CNTNAP2: variants seen among roughly 807,000 people sequenced by gnomAD.
The protein encoded by CNTNAP2 is contactin-associated protein-like 2.
Under a neutral mutation model 155.2 loss-of-function variants are expected in CNTNAP2, and 98 were observed. The ratio of observed to expected loss-of-function variants is 0.63; its 90% confidence interval spans 0.54 to 0.75. The LOEUF (loss-of-function observed/expected upper bound fraction) is 0.75, where lower values mean the gene tolerates loss of function less well. Ranked by LOEUF, CNTNAP2 falls within the 30% of genes least tolerant of loss-of-function variation. CNTNAP2 has a pLI of 0.00. For missense variants in CNTNAP2, 1,727 were observed against 1,688.1 expected, an observed-to-expected ratio of 1.02 and a Z score of -0.40; for synonymous variants, 651 against 631.2, an observed-to-expected ratio of 1.03 and a Z score of -0.47.
intron 3 of CNTNAP2, among the ~76,000 whole-genome samples, chr7:147,029,872 A>G (rs1798996252): frequency 6.6e-6 from 1 of 152,246 alleles, no homozygotes; most frequent in African/African-American, 2.4e-5. Context: ...AATAATTCTC[A>G]CATTAACTAA....
chr7:147,180,951 T>C (rs115543987), intron 8 of CNTNAP2, among the ~76,000 whole-genome samples: 2,653 of 152,290 alleles, frequency 0.017, 62 homozygotes, highest in African/African-American at 0.06. Context: ...TAGTAGCCAA[T>C]TGCATTTCTA....
At position 147,113,066 on chromosome 7, in the gene CNTNAP2, T is replaced by A. The variant is rs558818757; in HGVS notation, c.754+4716T>A. On this transcript the variant is annotated intron_variant, in intron 5 of 23. Transcript: ENST00000361727. Reference sequence around the variant, plus strand: ...TTTATTACTGCCTCAATTTCAGAAGTCATTATTGGTCTGGCTTAGGGAATC... The same window carrying A: ...TTTATTACTGCCTCAATTTCAGAAGACATTATTGGTCTGGCTTAGGGAATC... Among the ~76,000 whole-genome samples, 36 of 152,160 alleles carry A rather than the reference T, an allele frequency of 2.4e-4. No homozygotes were observed. In the South Asian group the frequency reaches 4.6e-3, roughly 19 times the overall value.
intron 1 of CNTNAP2, among the ~76,000 whole-genome samples, chr7:146,321,141 G>A (rs760480731): frequency 9.9e-5 from 15 of 151,938 alleles, no homozygotes; most frequent in Non-Finnish European, 2.1e-4. Context: ...ATGATGATGC[G>A]CTTATTAGGA....
At chr7:146,908,669 T>G (rs914356285) in intron 3 of CNTNAP2, among the ~76,000 whole-genome samples, 8 of 128,726 alleles carry the variant, frequency 6.2e-5, no homozygotes, top group Non-Finnish European at 1.3e-4. Flanking sequence ...GAGGGAAATT[T>G]ATAGCACTAA....
intron 1 of CNTNAP2, among the ~76,000 whole-genome samples, chr7:146,174,257 C>T (rs78578285): frequency 0.033 from 5,051 of 151,654 alleles, 280 homozygotes; most frequent in African/African-American, 0.12. Context: ...AACAGAATAC[C>T]GAATACCCAT....
chr7:146,213,350 A>C (rs994990980), intron 1 of CNTNAP2, among the ~76,000 whole-genome samples: 4 of 152,188 alleles, frequency 2.6e-5, no homozygotes, highest in African/African-American at 9.6e-5. Flanking sequence ...GGTCTTCTGC[A>C]GCTGAGTTAA....
chr7:148,144,136 T>C (rs754408624), intron 16 of CNTNAP2, among the ~76,000 whole-genome samples: 7 of 152,232 alleles, frequency 4.6e-5, no homozygotes, highest in Non-Finnish European at 8.8e-5. Context: ...TTTGCCTGCC[T>C]TCTGAGCAAG....
At chr7:148,018,728 G>T (rs1185415076) in intron 15 of CNTNAP2, among the ~76,000 whole-genome samples, 1 of 152,232 alleles carries the variant, frequency 6.6e-6, no homozygotes, top group African/African-American at 2.4e-5. Context: ...CCAGACCTTT[G>T]TCGTGGGAAG....
intron 8 of CNTNAP2, among the ~76,000 whole-genome samples, chr7:147,220,069 G>A (rs1477661612): frequency 1.3e-5 from 2 of 151,562 alleles, no homozygotes; most frequent in East Asian, 1.9e-4. Flanking sequence ...GATTACAGGC[G>A]TGAACCACCA....
intron 1 of CNTNAP2, among the ~76,000 whole-genome samples, chr7:146,415,100 C>A (rs1795919638): frequency 1.3e-5 from 2 of 152,232 alleles, no homozygotes; most frequent in East Asian, 1.9e-4. Flanking sequence ...TGTAACAGTG[C>A]TTCAACTGGA....
chr7:146,572,232 C>G (rs1420089631), intron 1 of CNTNAP2, among the ~76,000 whole-genome samples: 2 of 149,328 alleles, frequency 1.3e-5, no homozygotes, highest in Non-Finnish European at 3.0e-5. Context: ...CGTATTTGAG[C>G]AGAAAATCTG....
chr7:147,020,436 G>C (rs1194713740), intron 3 of CNTNAP2, among the ~76,000 whole-genome samples: 1 of 152,100 alleles, frequency 6.6e-6, no homozygotes, highest in Non-Finnish European at 1.5e-5. Flanking sequence ...TTGATTGTTA[G>C]TTGTCTTATT....
At chr7:147,830,344 A>G (rs1321640544) in intron 13 of CNTNAP2, among the ~76,000 whole-genome samples, 1 of 151,960 alleles carries the variant, frequency 6.6e-6, no homozygotes, top group African/African-American at 2.4e-5. Context: ...GCAGAGGGGA[A>G]AATGCACTCT....
chr7:146,704,379 A>G (rs755469487), intron 1 of CNTNAP2, among the ~76,000 whole-genome samples: 7 of 152,170 alleles, frequency 4.6e-5, no homozygotes, highest in Non-Finnish European at 5.9e-5. Flanking sequence ...AAGCCAGAAC[A>G]GACAAAATAG....
chr7:147,174,084 C>CA (rs1187446836), intron 8 of CNTNAP2, among the ~76,000 whole-genome samples: 3 of 152,026 alleles, frequency 2.0e-5, no homozygotes, highest in African/African-American at 7.3e-5. Flanking sequence ...CCCATCAGCA[C>CA]AAAAAAACCA....
chr7:147,907,194 C>T (rs1438875238), intron 14 of CNTNAP2, among the ~76,000 whole-genome samples: 3 of 151,884 alleles, frequency 2.0e-5, no homozygotes, highest in Admixed American at 6.6e-5. Flanking sequence ...GTAGCTGGGA[C>T]TACAGGCGCC....
rs550223094 is a variant in CNTNAP2, at chr7:147,547,878, G to A, written c.1778-14260G>A. On this transcript the variant is annotated intron_variant, in intron 11 of 23. Coordinates refer to ENST00000361727, the MANE Select transcript of CNTNAP2 (RefSeq NM_014141.6). ...GCGGTGTTGGGTTTTCTTTTCCTGT[G>A]TTAGTTTGCTAAGGATGATGGCTTC... Among the ~76,000 whole-genome samples the A allele has an allele frequency of 5.3e-5, 8 of 152,188 alleles. 1 individual carries two copies. In the East Asian group the frequency reaches 7.8e-4, roughly 15 times the overall value.
chr7:147,276,001 A>G (rs1804887086), intron 8 of CNTNAP2, among the ~76,000 whole-genome samples: 1 of 151,906 alleles, frequency 6.6e-6, no homozygotes, highest in East Asian at 1.9e-4. Flanking sequence ...TGATTACTGG[A>G]ATAAAACCCC....
At chr7:147,437,387 T>C (rs1797568387) in intron 10 of CNTNAP2, among the ~76,000 whole-genome samples, 1 of 152,194 alleles carries the variant, frequency 6.6e-6, no homozygotes, top group Non-Finnish European at 1.5e-5. Flanking sequence ...ACTTTTGCTT[T>C]ATTTTATTTT....
Sources: allele counts gnomAD v4.1 joint callset (sites outside exome capture counted in the v4.1 genomes callset), GRCh38; gene constraint gnomAD v4.1.1; transcripts MANE v1.5; gene names NCBI Gene and HGNC (gene_info 2026-07-23, HGNC 2026-07-21).